Variants in MRPS27 observed in about 807,000 individuals in gnomAD.
MRPS27 encodes the protein small ribosomal subunit protein mS27.
In MRPS27, 43 loss-of-function variants were observed where a neutral mutation model predicts 48.9. That is an observed-to-expected ratio of 0.88 (90% confidence interval 0.69 to 1.13). The LOEUF (loss-of-function observed/expected upper bound fraction) is 1.13, where lower values mean the gene tolerates loss of function less well. Among genes scored for constraint, MRPS27 ranks in the 50% most tolerant of loss-of-function variants. The pLI is 0.00. For missense variants in MRPS27, 467 were observed against 476.3 expected, an observed-to-expected ratio of 0.98 and a Z score of 0.18; for synonymous variants, 188 against 171.9, an observed-to-expected ratio of 1.09 and a Z score of -0.73.
intron 1 of MRPS27, among the ~76,000 whole-genome samples, chr5:72,316,820 G>A (rs532334609): frequency 5.9e-5 from 9 of 151,532 alleles, no homozygotes; most frequent in East Asian, 3.9e-4. Context: ...ACCTGAGGTC[G>A]GGAGTTCGAG....
At chr5:72,291,533 T>C (rs950648556) in intron 4 of MRPS27, among the ~76,000 whole-genome samples, 1 of 152,264 alleles carries the variant, frequency 6.6e-6, no homozygotes, top group African/African-American at 2.4e-5. Flanking sequence ...TAAGCAGTGA[T>C]ATCTGTAACA....
chr5:72,274,977 G>T (rs1447882836), intron 4 of MRPS27, among the ~76,000 whole-genome samples: 1 of 152,110 alleles, frequency 6.6e-6, no homozygotes, highest in Non-Finnish European at 1.5e-5. Context: ...ACAAGACAAG[G>T]ATGCCCTCTC....
chr5:72,243,441 A>G (rs886565705), intron 4 of MRPS27, among the ~76,000 whole-genome samples: 1 of 152,188 alleles, frequency 6.6e-6, no homozygotes, highest in Admixed American at 6.5e-5. Context: ...TCAAATTTTG[A>G]TGAGATAATT....
intron 2 of MRPS27, among the ~76,000 whole-genome samples, chr5:72,309,294 C>A (rs1316527438): frequency 2.0e-5 from 3 of 151,630 alleles, no homozygotes; most frequent in Non-Finnish European, 4.4e-5. Context: ...GAGACAGAGT[C>A]AGCTCTGTCG....
intron 4 of MRPS27, among the ~76,000 whole-genome samples, chr5:72,283,075 G>A (rs2047588): frequency 0.68 from 103,257 of 151,916 alleles, 36,372 homozygotes; most frequent in African/African-American, 0.87. Flanking sequence ...TTAGCTATGG[G>A]AAGTGCCTTG....
At chr5:72,256,718 C>G (rs1748818756) in intron 4 of MRPS27, among the ~76,000 whole-genome samples, 2 of 152,204 alleles carry the variant, frequency 1.3e-5, no homozygotes, top group African/African-American at 2.4e-5. Flanking sequence ...TCTGATTTTA[C>G]ATATTTGCTT....
chr5:72,223,895 A>G, intron 9 of MRPS27, 45 bp from the exon 10 acceptor site: 1 of 1,593,550 alleles, frequency 6.3e-7, no homozygotes, highest in South Asian at 1.1e-5. Flanking sequence ...TTTATGGCCC[A>G]AAAGCACATG....
intron 7 of MRPS27, chr5:72,228,959 C>A (rs1747975757): frequency 6.6e-6 from 1 of 152,192 alleles, no homozygotes; most frequent in Non-Finnish European, 1.5e-5. Context: ...CAAAATTACG[C>A]TTTAATGAAA....
intron 4 of MRPS27, among the ~76,000 whole-genome samples, chr5:72,274,542 C>A (rs1032075121): frequency 1.3e-5 from 2 of 152,126 alleles, no homozygotes; most frequent in Non-Finnish European, 2.9e-5. Context: ...TCCTGAAGGA[C>A]CTGCCTGAGG....
intron 4 of MRPS27, among the ~76,000 whole-genome samples, chr5:72,240,453 A>C (rs1044745543): frequency 6.6e-6 from 1 of 152,192 alleles, no homozygotes; most frequent in Non-Finnish European, 1.5e-5. Context: ...GGAAAAAAAT[A>C]TATCAAATGC....
In MRPS27 at chr5:72,267,658, ATAACCAT is replaced by A. The variant is rs1224462098; in HGVS notation, c.281+27866_281+27872del. 2.6e-5 allele frequency among the ~76,000 whole-genome samples: 4 copies of A among 152,330 alleles called. No homozygotes were observed. The South Asian group carries it at 8.3e-4, about 32-fold the overall frequency. On this transcript the variant is annotated intron_variant, in intron 4 of 10. Coordinates refer to ENST00000261413, the MANE Select transcript of MRPS27 (RefSeq NM_015084.3). ...CTGGGAATATAAAATCAAATAAGAT[ATAACCAT>A]TACCCTCAAAAAGTACACCTTAGTT... is the stretch of plus-strand genomic sequence containing the variant.
rs145352972 is a variant in MRPS27 at position 72,299,102 on chromosome 5, A to G, written c.152-1400T>C. ...ACGGACATAAATATGGGAACAGCAG[A>G]CACTGGGGACTCCTAGAGGCAGGAG... is the stretch of plus-strand genomic sequence containing the variant. On this transcript the variant is annotated intron_variant, in intron 2 of 10. Transcript: ENST00000261413. Among the ~76,000 whole-genome samples the G allele has an allele frequency of 7.9e-5, 12 of 152,220 alleles. No homozygotes were observed. In the East Asian group the frequency reaches 2.3e-3, roughly 29 times the overall value.
At chr5:72,255,782 A>G (rs1748785460) in intron 4 of MRPS27, among the ~76,000 whole-genome samples, 1 of 152,212 alleles carries the variant, frequency 6.6e-6, no homozygotes, top group African/African-American at 2.4e-5. Context: ...CCAAAATTCA[A>G]ACCCAGACAG....
chr5:72,266,792 G>A (rs1421744399), intron 4 of MRPS27, among the ~76,000 whole-genome samples: 6 of 152,072 alleles, frequency 3.9e-5, no homozygotes, highest in African/African-American at 7.2e-5. Flanking sequence ...CCCGGGAGGC[G>A]GAGCTTGCAG....
rs962276497 is a variant in MRPS27 at position 72,315,248 on chromosome 5, TA to T, written c.74-1091del. Among the ~76,000 whole-genome samples the T allele has an allele frequency of 6.7e-5, 10 of 149,684 alleles. No individual in the cohort carries two copies. The South Asian group carries it at 8.4e-4, about 13-fold the overall frequency. On this transcript the variant is annotated intron_variant, in intron 1 of 10. Transcript: ENST00000261413. ...TTCAATAAATCTTACAACTCAAAAATAAAAAAAAAGACAACCCAAATGAATG... is the reference window on the plus strand; with the variant it reads ...TTCAATAAATCTTACAACTCAAAAATAAAAAAAAGACAACCCAAATGAATG...
chr5:72,226,312 A>C, intron 8 of MRPS27, 113 bp from the exon 9 acceptor site: 1 of 1,274,100 alleles, frequency 7.8e-7, no homozygotes, highest in Non-Finnish European at 1.1e-6. Context: ...GAAATAGAGA[A>C]GGATCATTTT....
intron 10 of MRPS27, among the ~76,000 whole-genome samples, chr5:72,222,933 G>T (rs1460557088): frequency 3.3e-5 from 5 of 152,182 alleles, no homozygotes; most frequent in African/African-American, 1.2e-4. Context: ...CATCTTATCA[G>T]TACCAAAATG....
intron 2 of MRPS27, among the ~76,000 whole-genome samples, chr5:72,313,504 A>T (rs1014770506): frequency 1.3e-5 from 2 of 152,194 alleles, no homozygotes; most frequent in African/African-American, 4.8e-5. Context: ...TGAGTCAGTG[A>T]TTTCTTTTGG....
chr5:72,261,785 C>T (rs1445138118), intron 4 of MRPS27, among the ~76,000 whole-genome samples: 1 of 152,120 alleles, frequency 6.6e-6, no homozygotes, highest in African/African-American at 2.4e-5. Flanking sequence ...TGTCAATTGC[C>T]CATTACCCCA....
Sources: allele counts gnomAD v4.1 joint callset (sites outside exome capture counted in the v4.1 genomes callset), GRCh38; gene constraint gnomAD v4.1.1; transcripts MANE v1.5; gene names NCBI Gene and HGNC (gene_info 2026-07-23, HGNC 2026-07-21).